The following RARB variants were observed in gnomAD, a reference collection of about 807,000 sequenced individuals.
RARB encodes the protein HBV-activated protein.
RARB carries 17 observed loss-of-function variants against 51.9 expected under a neutral mutation model. The ratio of observed to expected loss-of-function variants is 0.33; its 90% CI spans 0.22 to 0.49. The LOEUF (loss-of-function observed/expected upper bound fraction) is 0.49, where lower values mean the gene tolerates loss of function less well. Among genes scored for constraint, RARB ranks in the 20% least tolerant of loss-of-function variants. The pLI, the probability that RARB is intolerant of heterozygous loss-of-function variation, is 0.99. For synonymous variants in RARB, 215 were observed against 195.4 expected, an observed-to-expected ratio of 1.10 and a Z score of -0.84; for missense variants, 369 against 550.8, an observed-to-expected ratio of 0.67 and a Z score of 3.30.
intron 2 of RARB, among the ~76,000 whole-genome samples, chr3:24,880,760 G>A (rs1421830626): frequency 6.6e-6 from 1 of 152,156 alleles, no homozygotes; most frequent in Non-Finnish European, 1.5e-5. Flanking sequence ...ACACTAAAGA[G>A]ATTTGCAAAA....
chr3:25,288,560 A>C (rs1219007876), intron 5 of RARB, among the ~76,000 whole-genome samples: 1 of 152,132 alleles, frequency 6.6e-6, no homozygotes, highest in Admixed American at 6.5e-5. Flanking sequence ...GCCAATTTGC[A>C]TGTGTGAGTG....
At chr3:24,970,074 T>C (rs1490193332) in intron 2 of RARB, among the ~76,000 whole-genome samples, 1 of 152,086 alleles carries the variant, frequency 6.6e-6, no homozygotes, top group Non-Finnish European at 1.5e-5. Context: ...ATAAGGTCTC[T>C]GATTAAATGA....
intron 3 of RARB, among the ~76,000 whole-genome samples, chr3:25,115,696 C>T (rs1002431057): frequency 3.3e-5 from 5 of 150,734 alleles, no homozygotes; most frequent in African/African-American, 1.2e-4. Context: ...AAGTCTCACT[C>T]TGTCACCCAG....
chr3:25,286,177 C>CT (rs1703649343), intron 5 of RARB, among the ~76,000 whole-genome samples: 1 of 138,850 alleles, frequency 7.2e-6, no homozygotes, highest in Admixed American at 7.1e-5. Flanking sequence ...CAAGCTCCAT[C>CT]TCCCGGGTTC....
At chr3:24,922,967 T>C (rs887417991) in intron 2 of RARB, among the ~76,000 whole-genome samples, 3 of 152,164 alleles carry the variant, frequency 2.0e-5, no homozygotes, top group Non-Finnish European at 4.4e-5. Context: ...AAAGTTTAAA[T>C]GACAAAGAGA....
intron 2 of RARB, among the ~76,000 whole-genome samples, chr3:25,004,166 G>A (rs1350784306): frequency 2.0e-5 from 3 of 152,080 alleles, no homozygotes; most frequent in Non-Finnish European, 2.9e-5. Flanking sequence ...TAAGGGCTAA[G>A]GCAGTGATGA....
chr3:25,325,709 G>A (rs542626324), intron 5 of RARB, among the ~76,000 whole-genome samples: 3 of 151,364 alleles, frequency 2.0e-5, no homozygotes, highest in African/African-American at 7.3e-5. Context: ...CCCTCCCCAT[G>A]CCACTGGTTC....
chr3:24,833,469 C>T (rs568502569), intron 1 of RARB, among the ~76,000 whole-genome samples: 1 of 152,304 alleles, frequency 6.6e-6, no homozygotes. Flanking sequence ...TAAGTCTTAT[C>T]CATACAACAA....
intron 3 of RARB, among the ~76,000 whole-genome samples, chr3:25,539,745 T>C (rs1699298796): frequency 6.6e-6 from 1 of 152,100 alleles, no homozygotes; most frequent in African/African-American, 2.4e-5. Context: ...CCTCGATCCA[T>C]ACACTGGATT....
chr3:24,928,404 C>T (rs1451283927), intron 2 of RARB, among the ~76,000 whole-genome samples: 1 of 151,912 alleles, frequency 6.6e-6, no homozygotes, highest in Non-Finnish European at 1.5e-5. Context: ...TTTCAGTGCA[C>T]CATCGAACAA....
intron 5 of RARB, among the ~76,000 whole-genome samples, chr3:25,232,233 T>TA (rs1202488022): frequency 6.6e-6 from 1 of 152,170 alleles, no homozygotes; most frequent in African/African-American, 2.4e-5. Flanking sequence ...TGTTTATTGT[T>TA]ATAGCTTATG....
At chr3:25,124,054 G>T (rs1306828525) in intron 3 of RARB, among the ~76,000 whole-genome samples, 1 of 152,168 alleles carries the variant, frequency 6.6e-6, no homozygotes, top group African/African-American at 2.4e-5. Context: ...ACTCACCCGG[G>T]GAGGGAGTGG....
At chr3:25,114,833 T>G (rs1226580079) in intron 3 of RARB, among the ~76,000 whole-genome samples, 1 of 152,158 alleles carries the variant, frequency 6.6e-6, no homozygotes, top group South Asian at 2.1e-4. Flanking sequence ...CTTTAAAAAT[T>G]ACTGCACTAT....
chr3:25,482,057 G>A (rs1212674856), intron 2 of RARB, among the ~76,000 whole-genome samples: 4 of 152,172 alleles, frequency 2.6e-5, no homozygotes, highest in Non-Finnish European at 5.9e-5. Context: ...CAGGACCCAA[G>A]CCCCCAACCA....
intron 5 of RARB, among the ~76,000 whole-genome samples, chr3:25,339,831 T>C (rs1192381254): frequency 6.6e-6 from 1 of 152,162 alleles, no homozygotes; most frequent in South Asian, 2.1e-4. Context: ...CTTGGAAACC[T>C]ATTCATTTTC....
At chr3:25,319,837 A>G (rs1704519532) in intron 5 of RARB, among the ~76,000 whole-genome samples, 2 of 152,112 alleles carry the variant, frequency 1.3e-5, no homozygotes. Context: ...TTGATTCAGG[A>G]TATACTCTCA....
intron 2 of RARB, among the ~76,000 whole-genome samples, chr3:25,046,428 G>C (rs1698217141): frequency 6.6e-6 from 1 of 152,006 alleles, no homozygotes. Flanking sequence ...AGATATCCTA[G>C]GCTTCTATTG....
At chr3:25,568,468 A>G (rs1320767729) in intron 3 of RARB, among the ~76,000 whole-genome samples, 1 of 152,094 alleles carries the variant, frequency 6.6e-6, no homozygotes, top group Non-Finnish European at 1.5e-5. Context: ...TGGCTCGTAC[A>G]GACACTGACT....
chr3:25,122,160 CT>C (rs1300838458), intron 3 of RARB, among the ~76,000 whole-genome samples: 1 of 152,070 alleles, frequency 6.6e-6, no homozygotes, highest in African/African-American at 2.4e-5. Context: ...GATGGCATAT[CT>C]TTGTGAAGCT....
Sources: allele counts gnomAD v4.1 joint callset (sites outside exome capture counted in the v4.1 genomes callset), GRCh38; gene constraint gnomAD v4.1.1; transcripts MANE v1.5; gene names NCBI Gene and HGNC (gene_info 2026-07-23, HGNC 2026-07-21).